Variants in LINGO2 observed in about 807,000 individuals in gnomAD.
The protein encoded by LINGO2 is leucine-rich repeat and immunoglobulin-like domain-containing nogo receptor-interacting protein 2.
Under a neutral mutation model 30.6 loss-of-function variants are expected in LINGO2, and 14 were observed. That is an observed-to-expected ratio of 0.46 (90% confidence interval 0.30 to 0.72). LINGO2 has a LOEUF of 0.72. Ranked by LOEUF, LINGO2 falls within the 30% of genes least tolerant of loss-of-function variation. The pLI is 0.07. For missense variants in LINGO2, 729 were observed against 751.7 expected (o/e 0.97, Z 0.35); for synonymous variants, 317 against 288.5 (o/e 1.10, Z -1.00).
the LINGO2 span, among the ~76,000 whole-genome samples, chr9:28,735,069 T>C: frequency 2.0e-5 from 3 of 152,216 alleles, no homozygotes; most frequent in Non-Finnish European, 4.4e-5. Context: ...TTTTTTATCT[T>C]CTGCAATATG....
intron 1 of LINGO2, among the ~76,000 whole-genome samples, chr9:28,606,444 G>T (rs1226554288): frequency 6.6e-6 from 1 of 151,998 alleles, no homozygotes; most frequent in Non-Finnish European, 1.5e-5. Context: ...GGTGAGGAAA[G>T]TAATATAGAT....
intron 1 of LINGO2, among the ~76,000 whole-genome samples, chr9:28,561,567 T>TATATAATGTATTTAG (rs1554637635): frequency 1.4e-5 from 2 of 138,368 alleles, no homozygotes; most frequent in African/African-American, 5.8e-5. Context: ...AATAGATTTA[T>TATATAATGTATTTAG]ATATAATATA....
At chr9:28,562,429 C>T (rs1428576923) in intron 1 of LINGO2, among the ~76,000 whole-genome samples, 1 of 75,580 alleles carries the variant, frequency 1.3e-5, no homozygotes, top group African/African-American at 5.7e-5. Context: ...TATTCTTCAA[C>T]AGGAAATAAG....
chr9:29,102,534 CATGGTGATTATAAGAATA>C, the LINGO2 span, among the ~76,000 whole-genome samples: 1 of 152,096 alleles, frequency 6.6e-6, no homozygotes, highest in Non-Finnish European at 1.5e-5. Context: ...ACAAAGAACA[CATGGTGATTATAAGAATA>C]ATGAGGTTTG....
the LINGO2 span, among the ~76,000 whole-genome samples, chr9:29,034,993 T>C: frequency 1.3e-5 from 2 of 152,258 alleles, no homozygotes; most frequent in Middle Eastern, 6.8e-3. Context: ...CCTCAATAAA[T>C]GTTAAATATT....
intron 4 of LINGO2, among the ~76,000 whole-genome samples, chr9:28,054,200 T>C (rs1824810934): frequency 6.6e-6 from 1 of 152,090 alleles, no homozygotes; most frequent in South Asian, 2.1e-4. Flanking sequence ...GAAATCTTAA[T>C]GACAAGAAAT....
At chr9:28,135,492 C>G (rs1563994849) in intron 4 of LINGO2, among the ~76,000 whole-genome samples, 1 of 151,330 alleles carries the variant, frequency 6.6e-6, no homozygotes, top group Non-Finnish European at 1.5e-5. Context: ...TTTATAAAAC[C>G]TGTTGATCTA....
chr9:29,198,751 A>C, the LINGO2 span, among the ~76,000 whole-genome samples: 2 of 152,280 alleles, frequency 1.3e-5, no homozygotes, highest in South Asian at 4.1e-4. Flanking sequence ...AGGGCAACTA[A>C]GAAGAAACAA....
At chr9:28,676,370 C>T in the LINGO2 span, among the ~76,000 whole-genome samples, 1 of 151,986 alleles carries the variant, frequency 6.6e-6, no homozygotes, top group Non-Finnish European at 1.5e-5. Flanking sequence ...TAAAAACAAA[C>T]ATTTTTCCAA....
the LINGO2 span, among the ~76,000 whole-genome samples, chr9:29,156,506 A>C: frequency 6.6e-6 from 1 of 152,138 alleles, no homozygotes; most frequent in Admixed American, 6.5e-5. Flanking sequence ...AAGAAACAGT[A>C]GATAAATGTA....
At chr9:28,221,936 A>G (rs10511826) in intron 4 of LINGO2, among the ~76,000 whole-genome samples, 24,318 of 152,186 alleles carry the variant, frequency 0.16, 2,151 homozygotes, top group South Asian at 0.29. Context: ...TGAATATTCC[A>G]GTCTAAATCC....
chr9:28,693,449 G>T, the LINGO2 span, among the ~76,000 whole-genome samples: 14,720 of 151,988 alleles, frequency 0.097, 958 homozygotes, highest in East Asian at 0.2. Flanking sequence ...GATTTTAAGA[G>T]GCCATTATGT....
chr9:28,525,600 T>C (rs78499809), intron 1 of LINGO2, among the ~76,000 whole-genome samples: 2,122 of 152,182 alleles, frequency 0.014, 22 homozygotes, highest in Non-Finnish European at 0.02. Flanking sequence ...TGATAAGAAG[T>C]GTCTAGAACA....
the LINGO2 span, among the ~76,000 whole-genome samples, chr9:29,078,675 T>C: frequency 7.5e-3 from 1,134 of 152,100 alleles, 13 homozygotes; most frequent in African/African-American, 0.026. Flanking sequence ...AACCAAGTGC[T>C]TGTCAAATCA....
chr9:28,425,242 A>G (rs1448617599), intron 2 of LINGO2, among the ~76,000 whole-genome samples: 1 of 148,022 alleles, frequency 6.8e-6, no homozygotes, highest in Non-Finnish European at 1.5e-5. Flanking sequence ...TATATATTAC[A>G]TATTAAATAT....
chr9:28,450,697 G>A (rs1231188832), intron 2 of LINGO2, among the ~76,000 whole-genome samples: 30 of 152,070 alleles, frequency 2.0e-4, no homozygotes, highest in Admixed American at 1.4e-3. Context: ...AATCCATGCC[G>A]TATGTCAATA....
At position 28,625,500 on chromosome 9, in the gene LINGO2, A is replaced by G. The variant is rs563197662; in HGVS notation, c.-365+44700T>C. Reference sequence around the variant, plus strand: ...TGATGGTACTTTTTTGTGTGTACATAGTTCTTAAATTTTGGTGTTCCTGCA... The same window carrying G: ...TGATGGTACTTTTTTGTGTGTACATGGTTCTTAAATTTTGGTGTTCCTGCA... On this transcript the variant is annotated intron_variant, in intron 1 of 5. Coordinates refer to ENST00000379992, the Ensembl canonical transcript of LINGO2. Among the ~76,000 whole-genome samples, 53 of 152,180 alleles carry G rather than the reference A, an allele frequency of 3.5e-4. 1 individual carries two copies. Among genetic ancestry groups the G allele is most frequent in the African/African-American group, 1.3e-3 (52 of 41,530 alleles).
At chr9:28,848,920 T>C in the LINGO2 span, among the ~76,000 whole-genome samples, 4 of 151,974 alleles carry the variant, frequency 2.6e-5, no homozygotes, top group Non-Finnish European at 5.9e-5. Context: ...AAGGTGATGG[T>C]ATTAGCACAG....
At chr9:29,151,357 A>G in the LINGO2 span, among the ~76,000 whole-genome samples, 1 of 152,240 alleles carries the variant, frequency 6.6e-6, no homozygotes, top group East Asian at 1.9e-4. Flanking sequence ...TAAAGTCTAC[A>G]AAACAACCAC....
Sources: gnomAD v4.1 joint callset for allele counts (sites outside exome capture counted in the v4.1 genomes callset) on GRCh38, gnomAD v4.1.1 for gene constraint, MANE v1.5 for transcripts, NCBI Gene and HGNC (gene_info 2026-07-23, HGNC 2026-07-21) for gene names.